The following DNAH11 variants were observed in gnomAD, a reference collection of about 807,000 sequenced individuals.
DNAH11 encodes the protein axonemal beta dynein heavy chain 11.
In DNAH11, 442 loss-of-function variants were observed where a neutral mutation model predicts 526.0. That is an observed-to-expected ratio of 0.84 (90% CI 0.78 to 0.91). DNAH11 has a LOEUF of 0.91. Ranked by LOEUF, DNAH11 falls within the 40% of genes least tolerant of loss-of-function variation. DNAH11 has a pLI of 0.00. For synonymous variants in DNAH11, 2,461 were observed against 1,935.9 expected, an observed-to-expected ratio of 1.27 and a Z score of -7.12; for missense variants, 6,989 against 5,448.7, an observed-to-expected ratio of 1.28 and a Z score of -8.90.
rs147003488 is a variant in DNAH11, at chr7:21,720,030, A to G, written c.7135-695A>G. On this transcript the variant is annotated intron_variant, in intron 43 of 81. Transcript: ENST00000409508. ...ACTGCCCTAAGCATGGGCTAGGTAC[A>G]TGAGGACCGCCCAGCACGTTGCCAT... Among the ~76,000 whole-genome samples, 466 of 152,356 alleles carry G rather than the reference A, an allele frequency of 3.1e-3. 1 individual carries two copies. The highest frequency in any genetic ancestry group is 0.011 in the African/African-American group (445 of 41,586).
intron 65 of DNAH11, among the ~76,000 whole-genome samples, chr7:21,839,882 C>A (rs1490134645): frequency 6.6e-6 from 1 of 152,152 alleles, no homozygotes; most frequent in African/African-American, 2.4e-5. Context: ...TAGATGAAGA[C>A]AATAGGTCAT....
chr7:21,873,485 T>G lies in DNAH11; in HGVS notation c.12179T>G (p.Leu4060Arg). ...ATGCTGGCCAATTTGCATGCCGCCC[T>G]GTACAACTTTGATCAGGTAAGAAAG... ...TGMLANLHAALYNFDQDTLEI... is the reference protein window; with the variant it reads ...TGMLANLHAARYNFDQDTLEI... Residue 4060 changes from leucine to arginine, a missense_variant, in exon 74 of 82, where the codon CTG becomes CGG. By Grantham distance (102) the Leu-to-Arg change is moderately radical. Coordinates refer to ENST00000409508, the MANE Select transcript of DNAH11 (RefSeq NM_001277115.2). The G allele has an allele frequency of 1.2e-6, 2 of 1,613,916 alleles. No homozygotes were observed. The highest frequency in any genetic ancestry group is 1.7e-6 in the Non-Finnish European group (2 of 1,179,858).
At chr7:21,820,419 GATTACATTTT>G in intron 65 of DNAH11, among the ~76,000 whole-genome samples, 1 of 152,156 alleles carries the variant, frequency 6.6e-6, no homozygotes, top group African/African-American at 2.4e-5. Flanking sequence ...AATTACCTTT[GATTACATTTT>G]GTTTAATGCA....
At chr7:21,835,297 C>G (rs1781951025) in intron 65 of DNAH11, among the ~76,000 whole-genome samples, 1 of 149,580 alleles carries the variant, frequency 6.7e-6, no homozygotes, top group African/African-American at 2.5e-5. Flanking sequence ...ATACTAAAAC[C>G]AGATAAGGAC....
At chr7:21,621,641 A>G (rs1786061880) in intron 25 of DNAH11, among the ~76,000 whole-genome samples, 1 of 151,962 alleles carries the variant, frequency 6.6e-6, no homozygotes, top group South Asian at 2.1e-4. Flanking sequence ...AGTGGGCTTC[A>G]TCCCTGGGAT....
chr7:21,882,567 G>A (rs1459124679), intron 75 of DNAH11, among the ~76,000 whole-genome samples: 1 of 152,160 alleles, frequency 6.6e-6, no homozygotes, highest in Non-Finnish European at 1.5e-5. Context: ...AGGCCAAGTC[G>A]GGCGGATCGC....
At chr7:21,687,784 G>T (rs965042771) in intron 34 of DNAH11, among the ~76,000 whole-genome samples, 1 of 152,200 alleles carries the variant, frequency 6.6e-6, no homozygotes, top group Admixed American at 6.5e-5. Context: ...GCCAGACACA[G>T]TGACTCATGC....
chr7:21,815,736 G>A lies in DNAH11; in HGVS notation c.10333-731G>A, dbSNP rs374214317. Among the ~76,000 whole-genome samples the A allele has an allele frequency of 5.3e-5, 8 of 152,096 alleles. No individual in the cohort carries two copies. The East Asian group carries it at 5.8e-4, about 11-fold the overall frequency. ...AAATGTTTGGTGATTGATGACTGGCGGAGTGAACATATACATTCTTTAATA... is the reference window on the plus strand; with the variant it reads ...AAATGTTTGGTGATTGATGACTGGCAGAGTGAACATATACATTCTTTAATA... On this transcript the variant is annotated intron_variant, in intron 63 of 81. Transcript: ENST00000409508.
At chr7:21,613,355 AGAG>A (rs1391077507) in intron 20 of DNAH11, among the ~76,000 whole-genome samples, 28 of 152,322 alleles carry the variant, frequency 1.8e-4, no homozygotes, top group African/African-American at 6.3e-4. Flanking sequence ...AGTAGGGAAA[AGAG>A]GGATGAAATT....
chr7:21,589,525 T>G, intron 12 of DNAH11, 122 bp downstream of exon 12: 1 of 747,866 alleles, frequency 1.3e-6, no homozygotes, highest in East Asian at 2.8e-5. Context: ...GGACTGTAAC[T>G]GTAAACAATT....
chr7:21,795,845 A>T (rs895511844), intron 61 of DNAH11, among the ~76,000 whole-genome samples: 1 of 152,142 alleles, frequency 6.6e-6, no homozygotes, highest in Non-Finnish European at 1.5e-5. Flanking sequence ...GCACGTGAGG[A>T]TGGGGTTGGG....
rs78660638 is a variant in DNAH11, at chr7:21,873,228, A to C, written c.11968-46A>C. ...GAAAATGTAATCTTATAATTCAAGT[A>C]ATATGCCTCACCTTCACAGGAATTA... On this transcript the variant is annotated intron_variant, in intron 73 of 81. Coordinates refer to ENST00000409508, the MANE Select transcript of DNAH11 (RefSeq NM_001277115.2). 9.5e-5 allele frequency: 134 copies of C among 1,403,402 alleles called. No homozygotes were observed. In the East Asian group the frequency reaches 3.1e-3, roughly 32 times the overall value. The allele number at this position is 1,403,402 out of a possible 1,614,324, so 86.9% of individuals were successfully genotyped here.
At chr7:21,736,654 T>C (rs1234112023) in intron 46 of DNAH11, among the ~76,000 whole-genome samples, 2 of 152,198 alleles carry the variant, frequency 1.3e-5, no homozygotes, top group Admixed American at 6.5e-5. Context: ...TCATCTTTTT[T>C]GTTAATCATT....
intron 9 of DNAH11, among the ~76,000 whole-genome samples, chr7:21,582,595 T>G (rs556285194): frequency 1.3e-5 from 2 of 152,140 alleles, no homozygotes; most frequent in Non-Finnish European, 2.9e-5. Flanking sequence ...TGTCACAGAA[T>G]TGATGAAATA....
In DNAH11 at chr7:21,864,552, A is replaced by G. The variant is rs1373100816; in HGVS notation, c.11391A>G (p.Lys3797=). Residue 3797 remains lysine, a synonymous_variant, in exon 70 of 82, where the codon AAA becomes AAG. Transcript: ENST00000409508. ...QMAFQILLRK[K]EIDPLELDFL... Reference sequence around the variant, plus strand: ...CTCTCAAGATTTTGTTGAGAAAGAAAGAGATAGACCCTCTTGAATTGGATT... The same window carrying G: ...CTCTCAAGATTTTGTTGAGAAAGAAGGAGATAGACCCTCTTGAATTGGATT... The G allele has an allele frequency of 6.2e-7, 1 of 1,611,226 alleles. No homozygotes were observed. The highest frequency in any genetic ancestry group is 2.2e-5 in the East Asian group (1 of 44,704).
At chr7:21,658,533 T>A (rs895288456) in intron 29 of DNAH11, among the ~76,000 whole-genome samples, 2 of 152,154 alleles carry the variant, frequency 1.3e-5, no homozygotes, top group African/African-American at 4.8e-5. Flanking sequence ...CTTTTCTGTT[T>A]AGGCTGTGGA....
chr7:21,826,064 A>C (rs1456196474), intron 65 of DNAH11, among the ~76,000 whole-genome samples: 1 of 152,210 alleles, frequency 6.6e-6, no homozygotes, highest in Non-Finnish European at 1.5e-5. Flanking sequence ...TAATGGGCAC[A>C]ATGTATATTT....
At chr7:21,764,463 A>G (rs957915637) in intron 54 of DNAH11, among the ~76,000 whole-genome samples, 1 of 144,454 alleles carries the variant, frequency 6.9e-6, no homozygotes, top group Non-Finnish European at 1.5e-5. Context: ...TTTCTAGAGA[A>G]GAGGAAACCA....
chr7:21,756,051 A>G (rs1490834267), intron 54 of DNAH11, among the ~76,000 whole-genome samples: 3 of 151,990 alleles, frequency 2.0e-5, no homozygotes, highest in African/African-American at 7.2e-5. Context: ...CCTGTTTTAC[A>G]TTCATATTTA....
Sources: allele counts gnomAD v4.1 joint callset (sites outside exome capture counted in the v4.1 genomes callset), GRCh38; gene constraint gnomAD v4.1.1; transcripts MANE v1.5; gene names NCBI Gene and HGNC (gene_info 2026-07-23, HGNC 2026-07-21).